RAB11FIP3: variants seen among roughly 807,000 people sequenced by gnomAD.
The protein encoded by RAB11FIP3 is rab11 family-interacting protein 3.
A neutral mutation model predicts 77.8 loss-of-function variants in RAB11FIP3; 17 were observed. The ratio of observed to expected loss-of-function variants is 0.22; its 90% CI spans 0.15 to 0.33. The LOEUF (loss-of-function observed/expected upper bound fraction) is 0.33, where lower values mean the gene tolerates loss of function less well. RAB11FIP3 is among the 10% of genes least tolerant of loss of function. The probability of loss-of-function intolerance (pLI) is 1.00; values close to 1 mark genes in which losing one functional copy is unlikely to be tolerated. For missense variants in RAB11FIP3, 1,005 were observed against 1,011.2 expected (o/e 0.99, Z 0.08); for synonymous variants, 437 against 448.2 (o/e 0.98, Z 0.31).
In RAB11FIP3 at chr16:496,388, T is replaced by C. The variant is rs184238348; in HGVS notation, c.1266-436T>C. On this transcript the variant is annotated intron_variant, in intron 5 of 13. Transcript: ENST00000262305. ...GATGCCTAGGCAGGCGTTCTGAGCA[T>C]GATGCATCAGTGCCTGAGTCGAAGC... Among the ~76,000 whole-genome samples, 451 of 152,364 alleles carry C rather than the reference T, an allele frequency of 3.0e-3. 3 individuals are homozygous for C. The highest frequency in any genetic ancestry group is 9.5e-3 in the African/African-American group (394 of 41,584).
chr16:425,984 C>A lies in RAB11FIP3; in HGVS notation c.-23C>A, dbSNP rs1687557923. 2 of 943,844 alleles carry A rather than the reference C, an allele frequency of 2.1e-6. No homozygotes were observed. The highest frequency in any genetic ancestry group is 2.5e-6 in the Non-Finnish European group (2 of 793,022). The allele number at this position is 943,844 out of a possible 1,614,324, so 58.5% of individuals were successfully genotyped here. A position where few individuals can be genotyped will look rare whatever the true frequency, so the allele number is the denominator to read the frequency against. On this transcript the variant is annotated 5_prime_UTR_variant, in exon 1 of 14. Coordinates refer to ENST00000262305, the MANE Select transcript of RAB11FIP3 (RefSeq NM_014700.4). ...CCTTTGTCTGCCGCCCGCGCCCTTC[C>A]GCACCACTAGCCTCTCGGGAGCATG...
At chr16:493,759 A>C (rs929570460) in intron 5 of RAB11FIP3, among the ~76,000 whole-genome samples, 3 of 146,980 alleles carry the variant, frequency 2.0e-5, no homozygotes, top group Admixed American at 6.9e-5. Flanking sequence ...GGCGCCCATC[A>C]CCACACCTGG....
At chr16:520,347 G>T (rs1015517960) in intron 12 of RAB11FIP3, 70 bp downstream of exon 12, 10 of 1,569,852 alleles carry the variant, frequency 6.4e-6, no homozygotes, top group Admixed American at 3.6e-5. Context: ...GGGAAGGGGG[G>T]GCCGTGGAGG....
At chr16:500,140 TG>T (rs1349584707) in intron 6 of RAB11FIP3, among the ~76,000 whole-genome samples, 1 of 152,206 alleles carries the variant, frequency 6.6e-6, no homozygotes, top group Non-Finnish European at 1.5e-5. Context: ...CAGCTGTGTG[TG>T]CAGAGACCGG....
At chr16:470,331 C>A (rs1461000430) in intron 2 of RAB11FIP3, among the ~76,000 whole-genome samples, 1 of 152,052 alleles carries the variant, frequency 6.6e-6, no homozygotes, top group Non-Finnish European at 1.5e-5. Context: ...TGGGGTTTCA[C>A]CATGTTGCCC....
Position 488,975 on chromosome 16 carries a change from A to G in RAB11FIP3, c.1240A>G (p.Ser414Gly). 1 of 1,613,966 alleles carries G rather than the reference A, an allele frequency of 6.2e-7. No homozygotes were observed. The highest frequency in any genetic ancestry group is 8.5e-7 in the Non-Finnish European group (1 of 1,179,960). ...ETLCNGQLGC[S>G]DPAFLTPSPT... ...CCTATGCAACGGGCAGCTGGGCTGC[A>G]GTGACCCCGCTTTCCTCACGCCCAG... The change falls in exon 5 of 14, where the codon AGT (serine) becomes GGT (glycine). Residue 414 changes from serine (S) to glycine (G), a missense_variant. By Grantham distance (56) the Ser-to-Gly change is moderately conservative. This residue lies in a region of RAB11FIP3 where 433 missense variants were observed against 436.1 expected (regional missense o/e 0.99). Coordinates refer to ENST00000262305, the MANE Select transcript of RAB11FIP3 (RefSeq NM_014700.4).
chr16:433,095 G>A (rs1365633564), intron 1 of RAB11FIP3, among the ~76,000 whole-genome samples: 1 of 86,192 alleles, frequency 1.2e-5, no homozygotes, highest in Non-Finnish European at 2.2e-5. Flanking sequence ...GTGCAGTGGC[G>A]CGATCTCAGC....
At chr16:463,337 C>T (rs1397303710) in intron 2 of RAB11FIP3, among the ~76,000 whole-genome samples, 1 of 151,974 alleles carries the variant, frequency 6.6e-6, no homozygotes, top group Non-Finnish European at 1.5e-5. Context: ...CTGTCTCCTC[C>T]ACAGAATTAT....
chr16:467,498 AGGGGCGTCAGGGAGGAGGTGCG>A (rs2055724051), intron 2 of RAB11FIP3, among the ~76,000 whole-genome samples: 4 of 69,562 alleles, frequency 5.8e-5, no homozygotes, highest in Middle Eastern at 0.011. Flanking sequence ...GAGGAGGTGC[AGGGGCGTCAGGGAGGAGGTGCG>A]GGGGCGTCAG....
intron 1 of RAB11FIP3, among the ~76,000 whole-genome samples, chr16:436,531 G>T (rs994791075): frequency 2.3e-4 from 35 of 151,998 alleles, no homozygotes; most frequent in African/African-American, 8.2e-4. Context: ...GCCCAGGGTG[G>T]AGTGCAGTGG....
chr16:515,735 G>A (rs1269452643), intron 9 of RAB11FIP3, among the ~76,000 whole-genome samples: 9 of 151,586 alleles, frequency 5.9e-5, no homozygotes, highest in Non-Finnish European at 1.0e-4. Context: ...CGGCCGACAC[G>A]TGTTGGGGTT....
chr16:451,853 A>G (rs971828086), intron 1 of RAB11FIP3, among the ~76,000 whole-genome samples: 8 of 151,328 alleles, frequency 5.3e-5, no homozygotes, highest in Non-Finnish European at 1.2e-4. Flanking sequence ...ACAAAGGAAA[A>G]AAACAAACAA....
rs1421929933 is a variant in RAB11FIP3, at chr16:471,260, G to A, written c.809-35G>A. Reference sequence around the variant, plus strand: ...GGGGTCCCGTCACTGGGTGGCTATGGGTGGCCTGTTGAGCACGAGGTCTTC... The same window carrying A: ...GGGGTCCCGTCACTGGGTGGCTATGAGTGGCCTGTTGAGCACGAGGTCTTC... On this transcript the variant is annotated intron_variant, in intron 2 of 13. Coordinates refer to ENST00000262305, the MANE Select transcript of RAB11FIP3 (RefSeq NM_014700.4). The surrounding 1 kb of genome is among the most constrained non-coding windows in gnomAD (Gnocchi z 4.4). The A allele has an allele frequency of 6.3e-7, 1 of 1,574,884 alleles. No homozygotes were observed. The highest frequency in any genetic ancestry group is 8.7e-7 in the Non-Finnish European group (1 of 1,145,960).
At chr16:502,888 C>T (rs560440776) in intron 6 of RAB11FIP3, 116 bp from the exon 7 acceptor site, 573 of 823,676 alleles carry the variant, frequency 7.0e-4, no homozygotes, top group Non-Finnish European at 1.1e-3. Flanking sequence ...AGGGGAGGAC[C>T]TGTCCCCTGC....
chr16:499,182 A>G (rs1005856360), intron 6 of RAB11FIP3, among the ~76,000 whole-genome samples: 5 of 152,188 alleles, frequency 3.3e-5, no homozygotes, highest in African/African-American at 1.2e-4. Context: ...ATTGTACTCC[A>G]GCCTGGGCAA....
intron 3 of RAB11FIP3, among the ~76,000 whole-genome samples, chr16:477,140 G>A (rs1378531433): frequency 6.6e-6 from 1 of 151,282 alleles, no homozygotes; most frequent in African/African-American, 2.4e-5. Context: ...TGTAATCCCT[G>A]CTACTTGGGA....
At chr16:487,131 CTTTT>C (rs34597208) in intron 4 of RAB11FIP3, among the ~76,000 whole-genome samples, 1 of 134,520 alleles carries the variant, frequency 7.4e-6, no homozygotes, top group Admixed American at 7.5e-5. Flanking sequence ...GTTTTGGTTT[CTTTT>C]TTTTTTTTTT....
intron 1 of RAB11FIP3, among the ~76,000 whole-genome samples, chr16:438,404 C>CT (rs753481865): frequency 0.11 from 13,166 of 118,764 alleles, 1,148 homozygotes; most frequent in African/African-American, 0.16. Context: ...CTGCGTCCGG[C>CT]TTTTTTTTTT....
chr16:461,297 C>T lies in RAB11FIP3; in HGVS notation c.715-107C>T. 6 of 770,668 alleles carry T rather than the reference C, an allele frequency of 7.8e-6. No individual in the cohort carries two copies. The Admixed American group carries it at 7.9e-5, about 10-fold the overall frequency. 47.7% of individuals were successfully genotyped at this position (770,668 alleles called of 1,614,324 possible). ...GCTCCCTCACCTCCTGCTGTGCTTC[C>T]CCGTTCCCAGCAGGCCACACACCAG... On this transcript the variant is annotated intron_variant, in intron 1 of 13. Coordinates refer to ENST00000262305, the MANE Select transcript of RAB11FIP3 (RefSeq NM_014700.4). This position sits in a 1 kb window ranked among gnomAD's most constrained non-coding sequence, Gnocchi z 4.5.
Sources: allele counts gnomAD v4.1 joint callset (sites outside exome capture counted in the v4.1 genomes callset), GRCh38; gene constraint gnomAD v4.1.1; regional missense constraint gnomAD v4.1.1; non-coding constraint Gnocchi (gnomAD v3.1); transcripts MANE v1.5; gene names NCBI Gene and HGNC (gene_info 2026-07-23, HGNC 2026-07-21).